The following CHDH variants were observed in gnomAD, a reference collection of about 807,000 sequenced individuals.
CHDH encodes choline dehydrogenase, mitochondrial.
CHDH carries 43 observed loss-of-function variants against 56.9 expected under a neutral mutation model. That is an observed-to-expected ratio of 0.76 (90% CI 0.59 to 0.97). The LOEUF (loss-of-function observed/expected upper bound fraction) is 0.97, where lower values mean the gene tolerates loss of function less well. CHDH is among the 50% of genes least tolerant of loss of function. The probability of loss-of-function intolerance (pLI) is 0.00; values close to 1 mark genes in which losing one functional copy is unlikely to be tolerated. For missense variants in CHDH, 816 were observed against 821.1 expected (o/e 0.99, Z 0.08); for synonymous variants, 364 against 348.5 (o/e 1.04, Z -0.50).
In CHDH at chr3:53,812,553, G is replaced by GTCTT. The variant is rs2095604941; in HGVS notation, c.*5220_*5223dup. The GTCTT allele has an allele frequency of 6.7e-6, 1 of 148,390 alleles. No homozygotes were observed. Among genetic ancestry groups the GTCTT allele is most frequent in the Non-Finnish European group, 1.5e-5 (1 of 67,830 alleles). 9.2% of individuals were successfully genotyped at this position (148,390 alleles called of 1,614,324 possible). ...TTTGGATCCACCATGGGTTGCAACTGTCTTTGGTTTTGTTTGTTTGACTTG... is the reference window on the plus strand; with the variant it reads ...TTTGGATCCACCATGGGTTGCAACTGTCTTTCTTTGGTTTTGTTTGTTTGACTTG... On this transcript the variant is annotated 3_prime_UTR_variant, in exon 9 of 9. Transcript: ENST00000315251.
Position 53,823,661 on chromosome 3 carries a change from G to C in CHDH, c.348C>G (p.Asp116Glu). 1 of 1,545,992 alleles carries C rather than the reference G, an allele frequency of 6.5e-7. No homozygotes were observed. The highest frequency in any genetic ancestry group is 2.4e-5 in the East Asian group (1 of 40,878). Residue 116 changes from aspartate to glutamate, a missense_variant, in exon 3 of 9, where the codon GAC becomes GAG. Coordinates refer to ENST00000315251, the MANE Select transcript of CHDH (RefSeq NM_018397.5). ...CGCGTGGCCAGTACAGCACGCGGCCGTCCAGGCCCCGCTGCACCTCTGTGT... is the reference window on the plus strand; with the variant it reads ...CGCGTGGCCAGTACAGCACGCGGCCCTCCAGGCCCCGCTGCACCTCTGTGT... Reference protein sequence around the residue: ...CYHTEVQRGLDGRVLYWPRGR... With the variant: ...CYHTEVQRGLEGRVLYWPRGR...
rs1267087377 is a variant in CHDH, at chr3:53,813,589, C to T, written c.*4188G>A. The T allele has an allele frequency of 1.3e-5, 2 of 152,204 alleles. No individual in the cohort carries two copies. The highest frequency in any genetic ancestry group is 2.9e-5 in the Non-Finnish European group (2 of 68,044). 9.4% of individuals were successfully genotyped at this position (152,204 alleles called of 1,614,324 possible). ...AGGCCAAAATTGCCAGACCAGGACC[C>T]TAAGTGTCTGATAGAGGCGATGATC... On this transcript the variant is annotated 3_prime_UTR_variant, in exon 9 of 9. Transcript: ENST00000315251.
intron 6 of CHDH, 127 bp downstream of exon 6, chr3:53,820,347 C>G (rs1209558870): frequency 8.7e-6 from 10 of 1,152,518 alleles, no homozygotes; most frequent in South Asian, 1.8e-5. Context: ...AACTGAGGCT[C>G]AGGGCTAAGG....
intron 2 of CHDH, among the ~76,000 whole-genome samples, chr3:53,826,224 C>T (rs2095638810): frequency 6.6e-6 from 1 of 151,650 alleles, no homozygotes; most frequent in Admixed American, 6.6e-5. Context: ...TCTACAGTCT[C>T]TTCTAGAAGA....
chr3:53,825,275 T>C (rs754390164), intron 2 of CHDH, among the ~76,000 whole-genome samples: 7 of 152,222 alleles, frequency 4.6e-5, no homozygotes, highest in Non-Finnish European at 8.8e-5. Context: ...AATGACTCCT[T>C]ATCAAGAGAT....
chr3:53,818,056 C>T lies in CHDH; in HGVS notation c.1506G>A (p.Val502=). 2 of 1,614,216 alleles carry T rather than the reference C, an allele frequency of 1.2e-6. No homozygotes were observed. The highest frequency in any genetic ancestry group is 1.7e-6 in the Non-Finnish European group (2 of 1,180,044). The change falls in exon 9 of 9, where the codon GTG becomes GTA. Residue 502 remains valine, a synonymous_variant. Transcript: ENST00000315251. ...IQSDKEIDAF[V]RAKADSAYHP... is the part of the protein sequence containing the mutation. ...GGTAGGCGCTGTCGGCTTTTGCCCG[C>T]ACAAAGGCATCTATCTCTTTATCTG...
intron 2 of CHDH, among the ~76,000 whole-genome samples, chr3:53,836,706 G>C (rs1005811669): frequency 6.6e-6 from 1 of 152,204 alleles, no homozygotes; most frequent in Non-Finnish European, 1.5e-5. Context: ...ACACATGCAG[G>C]GGATGAGGCT....
chr3:53,839,413 A>T (rs770953561), intron 2 of CHDH, among the ~76,000 whole-genome samples: 51 of 152,214 alleles, frequency 3.4e-4, no homozygotes, highest in African/African-American at 8.0e-4. Flanking sequence ...GATGAGAGAG[A>T]GGAAGGGAAG....
chr3:53,821,389 C>CCCT lies in CHDH; in HGVS notation c.985+257_985+258insAGG, dbSNP rs751258556. ...ACCCAGTGGGGCTTCAGGGCAGATA[C>CCCT]TCCCTGCTGCAGGGTGCCCTTCTCC... On this transcript the variant is annotated intron_variant, in intron 5 of 8. Transcript: ENST00000315251. Among the ~76,000 whole-genome samples, 449 of 152,298 alleles carry CCCT rather than the reference C, an allele frequency of 2.9e-3. 2 individuals are homozygous for CCCT. The highest frequency in any genetic ancestry group is 3.9e-3 in the Admixed American group (60 of 15,296).
At position 53,819,197 on chromosome 3, in the gene CHDH, G is replaced by C. The variant is rs1412610183; in HGVS notation, c.1264-157C>G. Among the ~76,000 whole-genome samples, 2 of 152,154 alleles carry C rather than the reference G, an allele frequency of 1.3e-5. No homozygotes were observed. The highest frequency in any genetic ancestry group is 4.8e-5 in the African/African-American group (2 of 41,418). Reference sequence around the variant, plus strand: ...GCCCGCATGGTACCCACCTCCACGAGTGATTACAGACCACCTCAAGGAATC... The same window carrying C: ...GCCCGCATGGTACCCACCTCCACGACTGATTACAGACCACCTCAAGGAATC... On this transcript the variant is annotated intron_variant, in intron 7 of 8. Coordinates refer to ENST00000315251, the MANE Select transcript of CHDH (RefSeq NM_018397.5). This position sits in a 1 kb window ranked among gnomAD's most constrained non-coding sequence, Gnocchi z 5.4.
At chr3:53,828,273 A>G (rs545279070) in intron 2 of CHDH, among the ~76,000 whole-genome samples, 1 of 152,266 alleles carries the variant, frequency 6.6e-6, no homozygotes, top group Admixed American at 6.5e-5. Context: ...TAAATGTAAA[A>G]TATAAAACTA....
Position 53,823,611 on chromosome 3 carries a change from G to A in CHDH, c.398C>T (p.Ser133Phe). ...PRGRVWGGSS[S>F]LNAMVYVRGH... ...ACGGACGTAGACCATGGCATTGAGG[G>A]ATGAGGAGCCACCCCAGACGCGGCC... Residue 133 changes from serine to phenylalanine, a missense_variant, in exon 3 of 9, where the codon TCC becomes TTC. Physicochemically the swap from Ser to Phe is radical, Grantham distance 155. Transcript: ENST00000315251. The A allele has an allele frequency of 6.5e-7, 1 of 1,544,038 alleles. No homozygotes were observed. Among genetic ancestry groups the A allele is most frequent in the Non-Finnish European group, 8.7e-7 (1 of 1,146,360 alleles).
At position 53,819,587 on chromosome 3, in the gene CHDH, A is replaced by G. The variant is rs1164141799; in HGVS notation, c.1208T>C (p.Leu403Pro). 6.2e-7 allele frequency: 1 copy of G among 1,613,184 alleles called. No individual in the cohort carries two copies. Among genetic ancestry groups the G allele is most frequent in the Non-Finnish European group, 8.5e-7 (1 of 1,179,486 alleles). The stretch of plus-strand genomic sequence containing the variant: ...CCCGTGGTCAATCACTTGGGATGGC[A>G]GGAAATGGAACTGGATGTCCGGGTG... The part of the protein sequence containing the change: ...VPHPDIQFHF[L>P]PSQVIDHGRV... Residue 403 changes from leucine to proline, a missense_variant, in exon 7 of 9, where the codon CTG (leucine) becomes CCG (proline). By Grantham distance (98) the Leu-to-Pro change is moderately conservative. Coordinates refer to ENST00000315251, the MANE Select transcript of CHDH (RefSeq NM_018397.5). The surrounding 1 kb of genome is among the most constrained non-coding windows in gnomAD (Gnocchi z 5.4).
Position 53,818,977 on chromosome 3 carries a change from G to C in CHDH, c.1327C>G (p.Gln443Glu). The change falls in exon 8 of 9, where the codon CAA (glutamine) becomes GAA (glutamate). Residue 443 changes from glutamine to glutamate, a missense_variant. By Grantham distance (29) the Gln-to-Glu change is conservative. Coordinates refer to ENST00000315251, the MANE Select transcript of CHDH (RefSeq NM_018397.5). ...TTGGGCTGGATCACAGGGTGGTCTT[G>C]GGGATTGGCACTTCTCAGTTTGAGC... ...GWLKLRSANP[Q>E]DHPVIQPNYL... 1 of 1,613,902 alleles carries C rather than the reference G, an allele frequency of 6.2e-7. No individual in the cohort carries two copies. The highest frequency in any genetic ancestry group is 8.5e-7 in the Non-Finnish European group (1 of 1,179,766).
In CHDH at chr3:53,846,176, G is replaced by A. The variant is rs566815002; in HGVS notation, c.-224C>T. On this transcript the variant is annotated 5_prime_UTR_variant, in exon 1 of 9. Coordinates refer to ENST00000315251, the MANE Select transcript of CHDH (RefSeq NM_018397.5). Reference sequence around the variant, plus strand: ...CCCCTGCCCCGCGGCACTTTAACCGGCGGCGCCGGCGCCCCGCGCGCTCTC... The same window carrying A: ...CCCCTGCCCCGCGGCACTTTAACCGACGGCGCCGGCGCCCCGCGCGCTCTC... The A allele has an allele frequency of 6.1e-6, 1 of 164,532 alleles. No individual in the cohort carries two copies. Among genetic ancestry groups the A allele is most frequent in the East Asian group, 1.6e-4 (1 of 6,204 alleles). The allele number at this position is 164,532 out of a possible 1,614,324, so 10.2% of individuals were successfully genotyped here.
rs1340793118 is a variant in CHDH, at chr3:53,823,634, G to T, written c.375C>A (p.Gly125=). 1 of 1,544,022 alleles carries T rather than the reference G, an allele frequency of 6.5e-7. No homozygotes were observed. Among genetic ancestry groups the T allele is most frequent in the East Asian group, 2.4e-5 (1 of 40,840 alleles). ...GGGATGAGGAGCCACCCCAGACGCG[G>T]CCGCGTGGCCAGTACAGCACGCGGC... ...LDGRVLYWPR[G]RVWGGSSSLN... The change falls in exon 3 of 9, where the codon GGC becomes GGA. Residue 125 remains glycine (G), a synonymous_variant. Transcript: ENST00000315251.
intron 2 of CHDH, among the ~76,000 whole-genome samples, chr3:53,826,810 G>A (rs749663607): frequency 9.2e-5 from 14 of 152,102 alleles, no homozygotes; most frequent in South Asian, 6.2e-4. Context: ...ATGAAACTTC[G>A]TTTGCTAATG....
Position 53,824,053 on chromosome 3 carries a change from A to C in CHDH, c.-45T>G. 7.1e-7 allele frequency: 1 copy of C among 1,404,344 alleles called. No individual in the cohort carries two copies. Among genetic ancestry groups the C allele is most frequent in the Non-Finnish European group, 9.2e-7 (1 of 1,082,372 alleles). The allele number at this position is 1,404,344 out of a possible 1,614,324, so 87.0% of individuals were successfully genotyped here. On this transcript the variant is annotated 5_prime_UTR_variant, in exon 3 of 9. Coordinates refer to ENST00000315251, the MANE Select transcript of CHDH (RefSeq NM_018397.5). The stretch of plus-strand genomic sequence containing the variant: ...CCTCTGATCCACGGAGGGGAATGAG[A>C]TGACTCACTTCTCCCTAAAACAGGA...
At position 53,820,519 on chromosome 3, in the gene CHDH, G is replaced by A. The variant is rs2095624176; in HGVS notation, c.1075C>T (p.Leu359=). The part of the protein sequence containing the change: ...PITLHSAQKP[L]RKVCIGLEWL... ...TCCAGACCAATGCAGACCTTCCGCA[G>A]GGGCTTCTGTGCTGAATGGAGGGTG... The change falls in exon 6 of 9, where the codon CTG becomes TTG. Residue 359 remains leucine, a synonymous_variant. Transcript: ENST00000315251. 1.9e-6 allele frequency: 3 copies of A among 1,614,078 alleles called. No individual in the cohort carries two copies. The East Asian group carries it at 6.7e-5, about 36-fold the overall frequency.
Sources: allele counts gnomAD v4.1 joint callset (sites outside exome capture counted in the v4.1 genomes callset), GRCh38; gene constraint gnomAD v4.1.1; non-coding constraint Gnocchi (gnomAD v3.1); transcripts MANE v1.5; gene names NCBI Gene and HGNC (gene_info 2026-07-23, HGNC 2026-07-21).